The following APBA2 variants were observed in gnomAD, a reference collection of about 807,000 sequenced individuals.
APBA2 encodes the protein amyloid beta precursor protein binding family A member 2, also known as amyloid-beta A4 precursor protein-binding family A member 2.
A neutral mutation model predicts 75.0 loss-of-function variants in APBA2; 30 were observed. The observed-to-expected ratio is 0.40, with a 90% confidence interval of 0.30 to 0.54. APBA2 has a LOEUF of 0.54. APBA2 is among the 20% of genes least tolerant of loss of function. The pLI, the probability that APBA2 is intolerant of heterozygous loss-of-function variation, is 0.49. For missense variants in APBA2, 801 were observed against 1,016.1 expected (o/e 0.79, Z 2.88); for synonymous variants, 444 against 409.6 (o/e 1.08, Z -1.01).
At chr15:29,039,580 T>G (rs1397921144) in intron 3 of APBA2, among the ~76,000 whole-genome samples, 2 of 152,202 alleles carry the variant, frequency 1.3e-5, no homozygotes, top group East Asian at 3.9e-4. Context: ...TTGATATTTT[T>G]TAAACCTCCT....
chr15:29,087,255 AT>A (rs199522047), intron 6 of APBA2, among the ~76,000 whole-genome samples: 15 of 146,502 alleles, frequency 1.0e-4, no homozygotes, highest in East Asian at 1.9e-4. Context: ...CATTTTTGCC[AT>A]TTTTTTTTAA....
chr15:29,097,367 G>A (rs1013730144), intron 8 of APBA2, among the ~76,000 whole-genome samples: 2 of 152,252 alleles, frequency 1.3e-5, no homozygotes, highest in African/African-American at 4.8e-5. Context: ...CCCGGGGGCT[G>A]GCCCTCCTCC....
chr15:29,105,073 T>C (rs377731713), intron 10 of APBA2, among the ~76,000 whole-genome samples: 86 of 152,348 alleles, frequency 5.6e-4, no homozygotes, highest in African/African-American at 1.7e-3. Context: ...CCAGACTTTC[T>C]TTGAAACAGC....
At chr15:29,041,059 G>C (rs1461335287) in intron 3 of APBA2, among the ~76,000 whole-genome samples, 2 of 151,994 alleles carry the variant, frequency 1.3e-5, no homozygotes, top group African/African-American at 4.8e-5. Context: ...AGGAATTTTA[G>C]AATGAAGTAA....
At chr15:28,896,415 G>A (rs1360980803) in intron 1 of APBA2, among the ~76,000 whole-genome samples, 1 of 152,134 alleles carries the variant, frequency 6.6e-6, no homozygotes, top group Non-Finnish European at 1.5e-5. Context: ...CAGCAGCTGG[G>A]ACTACAGGCG....
chr15:29,052,874 CT>C (rs1441674039), intron 3 of APBA2, among the ~76,000 whole-genome samples: 2 of 152,112 alleles, frequency 1.3e-5, no homozygotes, highest in Non-Finnish European at 2.9e-5. Flanking sequence ...GCCAAACTCA[CT>C]TTTATAACAA....
Position 29,077,527 on chromosome 15 carries a change from G to A in APBA2, c.1069+1436G>A, listed in dbSNP as rs145849229. On this transcript the variant is annotated intron_variant, in intron 6 of 14. Coordinates refer to ENST00000683413, the MANE Select transcript of APBA2 (RefSeq NM_001353788.2). ...ATATCTGCAGGGAGTGGGATCGTGA[G>A]GGATCGGGAAGCAGTGTCAGTGCCT... is the stretch of plus-strand genomic sequence containing the variant. Among the ~76,000 whole-genome samples, 548 of 152,316 alleles carry A rather than the reference G, an allele frequency of 3.6e-3. 10 individuals are homozygous for A. Among genetic ancestry groups the A allele is most frequent in the Admixed American group, 0.033 (505 of 15,298 alleles).
chr15:28,929,448 A>G (rs2034448090), intron 2 of APBA2, among the ~76,000 whole-genome samples: 1 of 152,206 alleles, frequency 6.6e-6, no homozygotes, highest in African/African-American at 2.4e-5. Flanking sequence ...CTCAACAAAT[A>G]GAGGAGTGAC....
intron 3 of APBA2, among the ~76,000 whole-genome samples, chr15:29,035,953 A>T (rs1321956413): frequency 6.6e-6 from 1 of 152,032 alleles, no homozygotes; most frequent in South Asian, 2.1e-4. Context: ...GCGCCCCCCT[A>T]CCTGGGGAAG....
chr15:28,978,677 G>T (rs994827799), intron 2 of APBA2, among the ~76,000 whole-genome samples: 4 of 152,190 alleles, frequency 2.6e-5, no homozygotes, highest in Non-Finnish European at 5.9e-5. Context: ...TTTGTTTGTT[G>T]TCTTGGCATG....
intron 2 of APBA2, among the ~76,000 whole-genome samples, chr15:28,955,636 T>C (rs1371731939): frequency 6.6e-6 from 1 of 152,204 alleles, no homozygotes; most frequent in African/African-American, 2.4e-5. Flanking sequence ...AAGAAGCCAG[T>C]TTTATAGTCA....
chr15:29,027,997 A>C (rs1490865480), intron 3 of APBA2, among the ~76,000 whole-genome samples: 1 of 148,996 alleles, frequency 6.7e-6, no homozygotes, highest in Admixed American at 6.7e-5. Context: ...TTTTTTTTTA[A>C]TTTAATTTTT....
chr15:29,071,211 G>A (rs2042607631), intron 4 of APBA2: 1 of 371,326 alleles, frequency 2.7e-6, no homozygotes, highest in African/African-American at 2.1e-5. Flanking sequence ...TAAAATCCAA[G>A]CTTTAGTTTC....
chr15:29,060,401 A>G (rs2152900530), intron 4 of APBA2, among the ~76,000 whole-genome samples: 1 of 152,308 alleles, frequency 6.6e-6, no homozygotes, highest in South Asian at 2.1e-4. Flanking sequence ...GCCTCTGAAC[A>G]GTGCATAACA....
At chr15:29,038,970 C>T (rs3894535) in intron 3 of APBA2, among the ~76,000 whole-genome samples, 1 of 152,008 alleles carries the variant, frequency 6.6e-6, no homozygotes, top group African/African-American at 2.4e-5. Flanking sequence ...CTACGCCTGG[C>T]GCATGCATTT....
At chr15:28,985,846 AAAGAAGGAC>A (rs1339671046) in intron 2 of APBA2, among the ~76,000 whole-genome samples, 1 of 152,206 alleles carries the variant, frequency 6.6e-6, no homozygotes, top group Admixed American at 6.5e-5. Flanking sequence ...GATAGAAGAC[AAAGAAGGAC>A]AGATGTGTTG....
At chr15:28,982,318 C>T (rs1471527892) in intron 2 of APBA2, among the ~76,000 whole-genome samples, 2 of 152,180 alleles carry the variant, frequency 1.3e-5, no homozygotes, top group Non-Finnish European at 2.9e-5. Flanking sequence ...AATTTTGTTG[C>T]CCTTTGGGCT....
intron 3 of APBA2, among the ~76,000 whole-genome samples, chr15:28,998,071 G>A (rs947682120): frequency 2.6e-5 from 4 of 152,140 alleles, no homozygotes; most frequent in South Asian, 4.1e-4. Context: ...TTTCTGCTGC[G>A]AATGGAATCA....
At chr15:29,106,393 C>T (rs2044403855) in intron 11 of APBA2, among the ~76,000 whole-genome samples, 1 of 149,826 alleles carries the variant, frequency 6.7e-6, no homozygotes, top group South Asian at 2.1e-4. Context: ...CTGGGTGGAC[C>T]CCAGGAAGGT....
Sources: allele counts gnomAD v4.1 joint callset (sites outside exome capture counted in the v4.1 genomes callset), GRCh38; gene constraint gnomAD v4.1.1; transcripts MANE v1.5; gene names NCBI Gene and HGNC (gene_info 2026-07-23, HGNC 2026-07-21).